Variants in VGLL4 observed in about 807,000 individuals in gnomAD.
The protein encoded by VGLL4 is transcription cofactor vestigial-like protein 4.
In VGLL4, 7 loss-of-function variants were observed where a neutral mutation model predicts 21.0. The observed-to-expected ratio is 0.33, with a 90% CI of 0.19 to 0.63. The LOEUF (loss-of-function observed/expected upper bound fraction) is 0.63, where lower values mean the gene tolerates loss of function less well. VGLL4 is among the 20% of genes least tolerant of loss of function. VGLL4 has a pLI of 0.78. For synonymous variants in VGLL4, 222 were observed against 173.2 expected, an observed-to-expected ratio of 1.28 and a Z score of -2.21; for missense variants, 394 against 425.7, an observed-to-expected ratio of 0.93 and a Z score of 0.66.
chr3:11,702,769 C>A, intron 2 of VGLL4: 1 of 350,708 alleles, frequency 2.9e-6, no homozygotes, highest in South Asian at 6.5e-5. Flanking sequence ...AACCAGTATC[C>A]ATAGTTAAGT....
At chr3:11,666,379 G>A (rs556302641) in intron 2 of VGLL4, among the ~76,000 whole-genome samples, 2 of 152,304 alleles carry the variant, frequency 1.3e-5, no homozygotes, top group South Asian at 4.1e-4. Context: ...CATGAGATGG[G>A]AAGCTCCTGG....
intron 2 of VGLL4, among the ~76,000 whole-genome samples, chr3:11,577,850 T>C (rs1306865905): frequency 6.6e-6 from 1 of 152,230 alleles, no homozygotes; most frequent in Admixed American, 6.5e-5. Context: ...ATGAATCTTA[T>C]TTCCTCGTCC....
intron 2 of VGLL4, among the ~76,000 whole-genome samples, chr3:11,697,027 G>A (rs1027564726): frequency 1.3e-5 from 2 of 152,082 alleles, no homozygotes; most frequent in Non-Finnish European, 2.9e-5. Context: ...AGAGGTGTAA[G>A]CCACCACCTG....
At chr3:11,579,644 C>T (rs1361842794) in intron 2 of VGLL4, among the ~76,000 whole-genome samples, 1 of 152,082 alleles carries the variant, frequency 6.6e-6, no homozygotes, top group Non-Finnish European at 1.5e-5. Flanking sequence ...ATCTCTTCCC[C>T]CAAACTCGTG....
chr3:11,707,820 C>T (rs962618380), intron 1 of VGLL4, among the ~76,000 whole-genome samples: 1 of 152,206 alleles, frequency 6.6e-6, no homozygotes, highest in African/African-American at 2.4e-5. Context: ...GATCACACCA[C>T]TGCACTCCAG....
At chr3:11,559,102 G>A (rs112928572) in intron 4 of VGLL4, among the ~76,000 whole-genome samples, 320 of 152,354 alleles carry the variant, frequency 2.1e-3, no homozygotes, top group African/African-American at 7.0e-3. Flanking sequence ...TGCCCTCCCT[G>A]CAACTAGGGC....
intron 2 of VGLL4, among the ~76,000 whole-genome samples, chr3:11,694,789 G>A (rs1435438623): frequency 6.6e-6 from 1 of 152,156 alleles, no homozygotes; most frequent in East Asian, 1.9e-4. Context: ...GGCATGATAG[G>A]TAGACTAACA....
intron 2 of VGLL4, among the ~76,000 whole-genome samples, chr3:11,566,242 C>T (rs948113900): frequency 1.3e-5 from 2 of 152,308 alleles, no homozygotes; most frequent in South Asian, 2.1e-4. Flanking sequence ...CACACACACA[C>T]GCATGTGATA....
intron 2 of VGLL4, among the ~76,000 whole-genome samples, chr3:11,570,883 C>G (rs566754223): frequency 6.6e-6 from 1 of 152,324 alleles, no homozygotes; most frequent in South Asian, 2.1e-4. Flanking sequence ...CTTCTCTCCC[C>G]TTGTGAGTGG....
intron 1 of VGLL4, among the ~76,000 whole-genome samples, chr3:11,614,194 C>T (rs956272233): frequency 2.0e-5 from 3 of 152,248 alleles, no homozygotes; most frequent in Non-Finnish European, 4.4e-5. Flanking sequence ...CCAATGCATA[C>T]TCATCTGCAC....
chr3:11,578,939 G>A (rs1476976331), intron 2 of VGLL4, among the ~76,000 whole-genome samples: 3 of 151,698 alleles, frequency 2.0e-5, no homozygotes, highest in Non-Finnish European at 2.9e-5. Flanking sequence ...TAGTAGAGAC[G>A]GGGTTTCATC....
chr3:11,584,493 A>G (rs2074315902), intron 2 of VGLL4, among the ~76,000 whole-genome samples: 1 of 152,104 alleles, frequency 6.6e-6, no homozygotes, highest in Non-Finnish European at 1.5e-5. Flanking sequence ...AGATCAGTAA[A>G]CCATATAGAG....
rs537488297 is a variant in VGLL4 at position 11,658,671 on chromosome 3, C to T, written c.64+44300G>A. On this transcript the variant is annotated intron_variant, in intron 2 of 5. Transcript: ENST00000273038. The stretch of plus-strand genomic sequence containing the variant: ...TTTTATCCAGCCGGCATGTGGCACG[C>T]TATTCTTCATGAGTGAGAAAATCCA... Among the ~76,000 whole-genome samples the T allele has an allele frequency of 2.1e-3, 263 of 126,856 alleles. 1 individual carries two copies. Among genetic ancestry groups the T allele is most frequent in the Non-Finnish European group, 2.0e-3 (122 of 59,598 alleles). The allele number at this position is 126,856 out of a possible 152,430, so 83.2% of individuals were successfully genotyped here.
chr3:11,630,602 C>T (rs1315158553), intron 1 of VGLL4, among the ~76,000 whole-genome samples: 1 of 151,954 alleles, frequency 6.6e-6, no homozygotes, highest in Non-Finnish European at 1.5e-5. Flanking sequence ...GCCAAGATCA[C>T]GCCACTACAC....
intron 3 of VGLL4, among the ~76,000 whole-genome samples, chr3:11,562,732 A>G (rs1475015617): frequency 6.6e-6 from 1 of 152,252 alleles, no homozygotes; most frequent in East Asian, 1.9e-4. Context: ...CAAGGAGGGC[A>G]GGACTGACCA....
chr3:11,571,875 G>A (rs2073791138), intron 2 of VGLL4, among the ~76,000 whole-genome samples: 1 of 152,000 alleles, frequency 6.6e-6, no homozygotes, highest in Non-Finnish European at 1.5e-5. Context: ...GGGAGGCCGA[G>A]GCCGGCAGAT....
chr3:11,573,539 T>C (rs972604151), intron 2 of VGLL4, among the ~76,000 whole-genome samples: 8 of 152,146 alleles, frequency 5.3e-5, no homozygotes, highest in African/African-American at 1.7e-4. Context: ...AAGGCAGCCA[T>C]CCACTTTGCT....
chr3:11,623,216 AG>A (rs889430584), intron 1 of VGLL4, among the ~76,000 whole-genome samples: 69 of 152,336 alleles, frequency 4.5e-4, no homozygotes, highest in African/African-American at 1.5e-3. Flanking sequence ...ACTGGCTGGA[AG>A]GAACAGAAGG....
At chr3:11,641,118 CAAAA>C (rs10547055) in intron 1 of VGLL4, among the ~76,000 whole-genome samples, 6 of 91,770 alleles carry the variant, frequency 6.5e-5, no homozygotes, top group African/African-American at 3.9e-5. Context: ...ACTTCATCAC[CAAAA>C]AAAAAAAAAA....
Sources: gnomAD v4.1 joint callset for allele counts (sites outside exome capture counted in the v4.1 genomes callset) on GRCh38, gnomAD v4.1.1 for gene constraint, MANE v1.5 for transcripts, NCBI Gene and HGNC (gene_info 2026-07-23, HGNC 2026-07-21) for gene names.